The following SYCP2L variants were observed in gnomAD, a reference collection of about 807,000 sequenced individuals.
The protein encoded by SYCP2L is synaptonemal complex protein 2 like.
Under a neutral mutation model 125.8 loss-of-function variants are expected in SYCP2L, and 98 were observed. The observed-to-expected ratio is 0.78, with a 90% CI of 0.66 to 0.92. The LOEUF is 0.92. Among genes scored for constraint, SYCP2L ranks in the 40% least tolerant of loss-of-function variants. The probability of loss-of-function intolerance (pLI) is 0.00; values close to 1 mark genes in which losing one functional copy is unlikely to be tolerated. For missense variants in SYCP2L, 842 were observed against 936.4 expected, an observed-to-expected ratio of 0.90 and a Z score of 1.32; for synonymous variants, 317 against 325.4, an observed-to-expected ratio of 0.97 and a Z score of 0.28.
chr6:10,900,434 C>T (rs1333176019), intron 6 of SYCP2L, among the ~76,000 whole-genome samples: 1 of 151,708 alleles, frequency 6.6e-6, no homozygotes, highest in Non-Finnish European at 1.5e-5. Context: ...CTCACTGCAA[C>T]CTCTGCCTCC....
chr6:10,958,777 G>A lies in SYCP2L; in HGVS notation c.2164-7G>A. ...GTGATCATCTTGTTATTGTTGTTAT[G>A]ATTTAGCTTAGGTACAGAAAGCGTC... is the stretch of plus-strand genomic sequence containing the variant. On this transcript the variant is annotated splice_region_variant and splice_polypyrimidine_tract_variant and intron_variant, in intron 25 of 29. Coordinates refer to ENST00000283141, the MANE Select transcript of SYCP2L (RefSeq NM_001040274.3). 6.2e-7 allele frequency: 1 copy of A among 1,607,604 alleles called. No homozygotes were observed. The highest frequency in any genetic ancestry group is 1.1e-5 in the South Asian group (1 of 90,036).
intron 8 of SYCP2L, among the ~76,000 whole-genome samples, chr6:10,905,395 A>C (rs1780471126): frequency 6.6e-6 from 1 of 151,424 alleles, no homozygotes. Flanking sequence ...CGGGTTCAAG[A>C]GATTCTCCTG....
At position 10,898,938 on chromosome 6, in the gene SYCP2L, A is replaced by G. The variant is rs895101327; in HGVS notation, c.466+90A>G. On this transcript the variant is annotated intron_variant, in intron 6 of 29. Transcript: ENST00000283141. ...GAAAAGAAAAATGATATGTAAAAGTAAAGTGAGTTTAAACATTTTATTTGG... is the reference window on the plus strand; with the variant it reads ...GAAAAGAAAAATGATATGTAAAAGTGAAGTGAGTTTAAACATTTTATTTGG... 5.9e-6 allele frequency: 5 copies of G among 850,192 alleles called. No individual in the cohort carries two copies. The African/African-American group carries it at 8.5e-5, about 14-fold the overall frequency. 52.7% of individuals were successfully genotyped at this position (850,192 alleles called of 1,614,324 possible). A position where few individuals can be genotyped will look rare whatever the true frequency, so the allele number is the denominator to read the frequency against.
chr6:10,942,666 T>C lies in SYCP2L; in HGVS notation c.1885-11T>C. The C allele has an allele frequency of 6.2e-7, 1 of 1,613,518 alleles. No homozygotes were observed. Among genetic ancestry groups the C allele is most frequent in the Non-Finnish European group, 8.5e-7 (1 of 1,179,794 alleles). The stretch of plus-strand genomic sequence containing the variant: ...TAAAGGACGTAATTTGTGGTCTGTT[T>C]TGTTTTTAAGATTGTGAACCAAGAA... On this transcript the variant is annotated splice_polypyrimidine_tract_variant and intron_variant, in intron 22 of 29. Transcript: ENST00000283141.
At chr6:10,945,769 T>TAAAAAAAAAAAAAAAAAAA (rs56943517) in intron 23 of SYCP2L, among the ~76,000 whole-genome samples, 1 of 93,268 alleles carries the variant, frequency 1.1e-5, no homozygotes, top group Non-Finnish European at 2.1e-5. Flanking sequence ...GACTCCATCT[T>TAAAAAAAAAAAAAAAAAAA]AAAAAAAAAA....
chr6:10,903,331 G>A (rs956710559), intron 8 of SYCP2L, among the ~76,000 whole-genome samples: 9 of 152,086 alleles, frequency 5.9e-5, no homozygotes, highest in African/African-American at 7.2e-5. Context: ...GGTGGATCAC[G>A]AGGTCAGGAG....
At position 10,928,414 on chromosome 6, in the gene SYCP2L, C is replaced by T. The variant is rs375583516; in HGVS notation, c.1452C>T (p.Val484=). The change falls in exon 18 of 30, where the codon GTC becomes GTT. Residue 484 remains valine (V), a synonymous_variant. Transcript: ENST00000283141. ...EPASDSHLQP[V]PPFGVPDFPQ... The stretch of plus-strand genomic sequence containing the variant: ...TTCTTCTGCCATAGCTTCAGCCGGT[C>T]CCTCCGTTCGGGGTCCCTGACTTCC... The T allele has an allele frequency of 1.6e-5, 25 of 1,557,480 alleles. No homozygotes were observed. The highest frequency in any genetic ancestry group is 2.1e-5 in the Non-Finnish European group (24 of 1,142,488).
At chr6:10,947,897 C>T (rs941519938) in intron 23 of SYCP2L, among the ~76,000 whole-genome samples, 2 of 151,920 alleles carry the variant, frequency 1.3e-5, no homozygotes, top group South Asian at 4.1e-4. Context: ...TGAATTTTTA[C>T]CAGGTTAAAG....
At chr6:10,963,648 G>T (rs1435239922) in intron 28 of SYCP2L, 134 bp from the exon 29 acceptor site, 1 of 776,008 alleles carries the variant, frequency 1.3e-6, no homozygotes, top group Non-Finnish European at 2.1e-6. Context: ...TAATATCCTG[G>T]GGTGTTGGTG....
At chr6:10,961,154 G>A in intron 26 of SYCP2L, 151 bp from the exon 27 acceptor site, 1 of 620,370 alleles carries the variant, frequency 1.6e-6, no homozygotes, top group Non-Finnish European at 2.8e-6. Context: ...GCAGGGAGGG[G>A]AGGGAAGAGA....
At chr6:10,940,786 G>A (rs1390704359) in intron 21 of SYCP2L, among the ~76,000 whole-genome samples, 8 of 152,074 alleles carry the variant, frequency 5.3e-5, no homozygotes, top group African/African-American at 1.9e-4. Context: ...TGTGTTCATC[G>A]ATTTGAAAGT....
At chr6:10,925,333 C>CTGTATCAGGG (rs1415284540) in intron 15 of SYCP2L, among the ~76,000 whole-genome samples, 21 of 152,176 alleles carry the variant, frequency 1.4e-4, no homozygotes, top group Admixed American at 1.2e-3. Context: ...GGTGGGGACA[C>CTGTATCAGGG]AGCCAGACTG....
At chr6:10,968,225 C>T (rs1781711572) in intron 29 of SYCP2L, among the ~76,000 whole-genome samples, 1 of 152,072 alleles carries the variant, frequency 6.6e-6, no homozygotes, top group Non-Finnish European at 1.5e-5. Context: ...GGTTGGGGTG[C>T]ACATAGCTGT....
chr6:10,928,915 CTTTT>C (rs751666059), intron 18 of SYCP2L, among the ~76,000 whole-genome samples: 1 of 141,640 alleles, frequency 7.1e-6, no homozygotes, highest in Non-Finnish European at 1.5e-5. Flanking sequence ...CTTTTCTTTA[CTTTT>C]TTTTTTTTTT....
In SYCP2L at chr6:10,955,237, C is replaced by T. The variant is rs1781482749; in HGVS notation, c.2056+20C>T. ...TGCCAGGTAACATCATGCACCCAGC[C>T]AATGGTTCAAGTAGGAGTGGGATAA... On this transcript the variant is annotated intron_variant, in intron 24 of 29. Transcript: ENST00000283141. 1.3e-6 allele frequency: 2 copies of T among 1,497,854 alleles called. No homozygotes were observed. The highest frequency in any genetic ancestry group is 1.9e-6 in the Non-Finnish European group (2 of 1,074,044). The allele number at this position is 1,497,854 out of a possible 1,614,324, so 92.8% of individuals were successfully genotyped here.
intron 8 of SYCP2L, 146 bp from the exon 9 acceptor site, chr6:10,905,874 A>C: frequency 1.7e-6 from 1 of 576,356 alleles, no homozygotes; most frequent in East Asian, 2.8e-5. Flanking sequence ...TTCCATAAAT[A>C]TGTGTTGGCA....
chr6:10,956,900 C>T (rs1349185757), intron 25 of SYCP2L, among the ~76,000 whole-genome samples: 2 of 152,136 alleles, frequency 1.3e-5, no homozygotes, highest in East Asian at 3.8e-4. Context: ...AATCATAGTT[C>T]ACTCTAACCT....
chr6:10,941,969 C>T (rs1484028873), intron 21 of SYCP2L, among the ~76,000 whole-genome samples: 1 of 151,596 alleles, frequency 6.6e-6, no homozygotes, highest in Non-Finnish European at 1.5e-5. Context: ...GAATACTATG[C>T]AGCCATAAAA....
At chr6:10,904,359 G>A (rs147310874) in intron 8 of SYCP2L, among the ~76,000 whole-genome samples, 236 of 152,328 alleles carry the variant, frequency 1.5e-3, no homozygotes, top group Middle Eastern at 0.01. Context: ...CAGCCAGCGC[G>A]GAGGACATCA....
Sources: allele counts gnomAD v4.1 joint callset (sites outside exome capture counted in the v4.1 genomes callset), GRCh38; gene constraint gnomAD v4.1.1; transcripts MANE v1.5; gene names NCBI Gene and HGNC (gene_info 2026-07-23, HGNC 2026-07-21).